Variants in ARHGEF9 observed in about 807,000 individuals in gnomAD.
ARHGEF9 encodes Cdc42 guanine nucleotide exchange factor 9, also known as rho guanine nucleotide exchange factor 9.
ARHGEF9 carries 2 observed loss-of-function variants against 41.3 expected under a neutral mutation model. The observed-to-expected ratio is 0.05, with a 90% CI of 0.02 to 0.15. The LOEUF (loss-of-function observed/expected upper bound fraction) is 0.15, where lower values mean the gene tolerates loss of function less well. Among genes scored for constraint, ARHGEF9 ranks in the 10% least tolerant of loss-of-function variants. The pLI, the probability that ARHGEF9 is intolerant of heterozygous loss-of-function variation, is 1.00. For missense variants in ARHGEF9, 225 were observed against 424.7 expected (o/e 0.53, Z 4.13); for synonymous variants, 160 against 154.4 (o/e 1.04, Z -0.27).
At chrX:63,643,596 C>G (rs1216404548) in intron 9 of ARHGEF9, among the ~76,000 whole-genome samples, 2 of 110,479 alleles carry the variant, frequency 1.8e-5, no homozygotes, top group Non-Finnish European at 3.8e-5. Context: ...CCGCCTGCCT[C>G]GGCCTCCCAA....
chrX:63,644,308 G>T (rs781924847), intron 8 of ARHGEF9: 1 of 236,386 alleles, frequency 4.2e-6, no homozygotes, highest in African/African-American at 2.9e-5. Flanking sequence ...ATGAACATGG[G>T]CTAAGAGTCT....
At chrX:63,638,284 A>G (rs1311295915) in intron 9 of ARHGEF9, 75 bp from the exon 10 acceptor site, 1 of 947,339 alleles carries the variant, frequency 1.1e-6, no homozygotes, top group Non-Finnish European at 1.5e-6. Context: ...CCCAGTGACC[A>G]CTCTGGGCAG....
intron 4 of ARHGEF9, among the ~76,000 whole-genome samples, chrX:63,687,082 T>C (rs782640266): frequency 9.0e-6 from 1 of 110,722 alleles, no homozygotes; most frequent in Non-Finnish European, 1.9e-5. Flanking sequence ...CAACACCCAG[T>C]GCATGAAACT....
intron 2 of ARHGEF9, among the ~76,000 whole-genome samples, chrX:63,713,977 C>T (rs1226050690): frequency 8.9e-6 from 1 of 111,735 alleles, no homozygotes; most frequent in Non-Finnish European, 1.9e-5. Flanking sequence ...CCAGCACCAA[C>T]ACAATGAGAA....
intron 8 of ARHGEF9, among the ~76,000 whole-genome samples, chrX:63,645,816 A>G (rs1294196476): frequency 2.7e-5 from 3 of 111,982 alleles, no homozygotes; most frequent in Non-Finnish European, 3.8e-5. Flanking sequence ...TGACTTCCAC[A>G]ATGGTTGAAC....
intron 3 of ARHGEF9, among the ~76,000 whole-genome samples, chrX:63,704,998 T>C (rs1353909311): frequency 1.8e-5 from 2 of 112,634 alleles, no homozygotes; most frequent in African/African-American, 6.5e-5. Flanking sequence ...AATGTGGCTG[T>C]CATTACAGAT....
intron 1 of ARHGEF9, chrX:63,732,160 G>T (rs1193349483): frequency 8.9e-6 from 1 of 111,760 alleles, no homozygotes; most frequent in Non-Finnish European, 1.9e-5. Flanking sequence ...CTTGACTGCC[G>T]CATTCAAAAG....
intron 1 of ARHGEF9, among the ~76,000 whole-genome samples, chrX:63,778,406 T>A (rs1483114356): frequency 1.8e-5 from 2 of 112,163 alleles, no homozygotes; most frequent in Admixed American, 9.4e-5. Context: ...AGGCACTTGA[T>A]GGGAGGGGCT....
chrX:63,724,226 T>C (rs1359974335), intron 2 of ARHGEF9, among the ~76,000 whole-genome samples: 1 of 110,983 alleles, frequency 9.0e-6, no homozygotes, highest in Non-Finnish European at 1.9e-5. Flanking sequence ...AAAAGTCTTA[T>C]TCAAAAACCA....
chrX:63,649,774 C>T (rs1602224606), intron 8 of ARHGEF9, among the ~76,000 whole-genome samples: 1 of 111,735 alleles, frequency 8.9e-6, no homozygotes, highest in Middle Eastern at 4.6e-3. Context: ...ACTGATCCCA[C>T]AGAAATACAA....
intron 1 of ARHGEF9, among the ~76,000 whole-genome samples, chrX:63,771,573 C>T (rs1480116122): frequency 9.4e-6 from 1 of 105,984 alleles, no homozygotes; most frequent in African/African-American, 3.4e-5. Context: ...AGTTGAAGAA[C>T]TTTTTTTTTT....
At chrX:63,654,390 G>A (rs2048753460) in intron 8 of ARHGEF9, among the ~76,000 whole-genome samples, 1 of 111,368 alleles carries the variant, frequency 9.0e-6, no homozygotes, top group African/African-American at 3.3e-5. Context: ...GTCAGTGGCT[G>A]CTGCTGCTTG....
intron 7 of ARHGEF9, among the ~76,000 whole-genome samples, chrX:63,664,927 T>C (rs782098964): frequency 8.9e-6 from 1 of 112,074 alleles, no homozygotes; most frequent in South Asian, 3.7e-4. Context: ...AATGTAACAC[T>C]ATTTACTCTG....
intron 8 of ARHGEF9, among the ~76,000 whole-genome samples, chrX:63,652,485 A>G (rs1170712868): frequency 1.5e-4 from 17 of 111,797 alleles, no homozygotes; most frequent in African/African-American, 5.2e-4. Context: ...GGTTATATGT[A>G]AATACTATAT....
At chrX:63,754,590 C>T in intron 1 of ARHGEF9, 1 of 1,071,676 alleles carries the variant, frequency 9.3e-7, no homozygotes, top group Non-Finnish European at 1.2e-6. Flanking sequence ...TGGTGCAATG[C>T]AGAACACTGT....
chrX:63,683,540 A>C (rs1357743937), intron 4 of ARHGEF9, among the ~76,000 whole-genome samples: 11 of 111,859 alleles, frequency 9.8e-5, no homozygotes, highest in Admixed American at 2.8e-4. Context: ...CTTGATAGCC[A>C]AAGCAACTCT....
chrX:63,779,796 G>A (rs782326250), intron 1 of ARHGEF9, among the ~76,000 whole-genome samples: 4 of 111,611 alleles, frequency 3.6e-5, no homozygotes, highest in South Asian at 7.6e-4. Flanking sequence ...TTCTACAATC[G>A]CAGGCATATA....
chrX:63,762,743 A>G (rs1446055936), intron 1 of ARHGEF9, among the ~76,000 whole-genome samples: 1 of 111,178 alleles, frequency 9.0e-6, no homozygotes, highest in Non-Finnish European at 1.9e-5. Context: ...ACTTTTTTCA[A>G]TAAAAGTTAA....
intron 2 of ARHGEF9, among the ~76,000 whole-genome samples, chrX:63,713,954 T>C (rs1223181365): frequency 1.8e-5 from 2 of 111,534 alleles, no homozygotes; most frequent in Non-Finnish European, 3.8e-5. Flanking sequence ...TGCTAACAAA[T>C]TGTTCTCCCT....
Sources: allele counts gnomAD v4.1 joint callset (sites outside exome capture counted in the v4.1 genomes callset), GRCh38; gene constraint gnomAD v4.1.1; transcripts MANE v1.5; gene names NCBI Gene and HGNC (gene_info 2026-07-23, HGNC 2026-07-21).